SPON1: variants seen among roughly 807,000 people sequenced by gnomAD.
SPON1 encodes the protein spondin-1.
In SPON1, 52 loss-of-function variants were observed where a neutral mutation model predicts 111.7. The ratio of observed to expected loss-of-function variants is 0.47; its 90% confidence interval spans 0.37 to 0.59. The LOEUF (loss-of-function observed/expected upper bound fraction) is 0.59, where lower values mean the gene tolerates loss of function less well. SPON1 is among the 20% of genes least tolerant of loss of function. The pLI is 0.00. For synonymous variants in SPON1, 410 were observed against 395.8 expected, an observed-to-expected ratio of 1.04 and a Z score of -0.43; for missense variants, 957 against 1,068.5, an observed-to-expected ratio of 0.90 and a Z score of 1.46.
chr11:14,265,713 CACTCTAG>C lies in SPON1; in HGVS notation c.*28_*34del. Reference sequence around the variant, plus strand: ...CAAGGGTACGAGTTCCCCAGGGCTGCACTCTAGATTCCAGAGTCACCAATGGCTGGAT... The same window carrying C: ...CAAGGGTACGAGTTCCCCAGGGCTGCATTCCAGAGTCACCAATGGCTGGAT... On this transcript the variant is annotated 3_prime_UTR_variant, in exon 16 of 16. Transcript: ENST00000576479. 1 of 1,607,192 alleles carries C rather than the reference CACTCTAG, an allele frequency of 6.2e-7. No homozygotes were observed. The highest frequency in any genetic ancestry group is 8.5e-7 in the Non-Finnish European group (1 of 1,176,424).
chr11:14,038,432 G>T (rs556756439), intron 2 of SPON1, among the ~76,000 whole-genome samples: 1 of 152,164 alleles, frequency 6.6e-6, no homozygotes, highest in African/African-American at 2.4e-5. Context: ...TGGCACCACT[G>T]CACTCCAGCC....
intron 15 of SPON1, among the ~76,000 whole-genome samples, chr11:14,265,199 A>AT (rs1554942332): frequency 6.6e-6 from 1 of 152,098 alleles, no homozygotes; most frequent in African/African-American, 2.4e-5. Flanking sequence ...GCTTGCTTAC[A>AT]TGGTAGTAGA....
chr11:14,127,618 A>AT (rs34444355), intron 5 of SPON1, among the ~76,000 whole-genome samples: 2 of 152,144 alleles, frequency 1.3e-5, no homozygotes, highest in African/African-American at 4.8e-5. Flanking sequence ...CTGCCTCTGC[A>AT]TTTTTGGGTT....
At chr11:14,097,466 T>C (rs1361325571) in intron 5 of SPON1, among the ~76,000 whole-genome samples, 1 of 152,218 alleles carries the variant, frequency 6.6e-6, no homozygotes, top group African/African-American at 2.4e-5. Flanking sequence ...TTATTATGAA[T>C]GAGATTTCCA....
chr11:14,211,319 A>T (rs1170678309), intron 6 of SPON1, among the ~76,000 whole-genome samples: 1 of 152,186 alleles, frequency 6.6e-6, no homozygotes, highest in Middle Eastern at 3.2e-3. Flanking sequence ...AATCACAAGC[A>T]TTCCTGTACA....
At chr11:14,141,894 C>A (rs1208398231) in intron 6 of SPON1, among the ~76,000 whole-genome samples, 7 of 152,164 alleles carry the variant, frequency 4.6e-5, no homozygotes, top group African/African-American at 1.7e-4. Context: ...CACAAACACA[C>A]ACACACCCCA....
intron 6 of SPON1, among the ~76,000 whole-genome samples, chr11:14,218,135 T>C (rs1554937288): frequency 6.6e-6 from 1 of 152,236 alleles, no homozygotes; most frequent in South Asian, 2.1e-4. Flanking sequence ...GAAACAAATA[T>C]AGATATGTCC....
In SPON1 at chr11:13,963,088, A is replaced by G; in HGVS notation, c.184A>G (p.Ser62Gly). The change falls in exon 1 of 16, where the codon AGC becomes GGC. Residue 62 changes from serine to glycine, a missense_variant. Ser to Gly is a moderately conservative substitution (Grantham distance 56). Around this residue, in one of 5 missense-constraint regions of SPON1, gnomAD observed 262 missense variants for 253.9 expected, o/e 1.03. Transcript: ENST00000576479. ...GTRREGYTEF[S>G]LRVEGDPDFY... is the part of the protein sequence containing the mutation. ...GCGGCGCGAGGGCTACACCGAGTTCAGCCTCCGCGTGGAGGGCGACCCCGA... is the reference window on the plus strand; with the variant it reads ...GCGGCGCGAGGGCTACACCGAGTTCGGCCTCCGCGTGGAGGGCGACCCCGA... 6.4e-7 allele frequency: 1 copy of G among 1,557,984 alleles called. No individual in the cohort carries two copies. Among genetic ancestry groups the G allele is most frequent in the South Asian group, 1.2e-5 (1 of 83,588 alleles).
intron 6 of SPON1, among the ~76,000 whole-genome samples, chr11:14,222,920 A>T (rs1554937725): frequency 1.3e-5 from 2 of 152,234 alleles, no homozygotes; most frequent in Admixed American, 1.3e-4. Context: ...GCTCCAGCAC[A>T]TCACTGTCCC....
At chr11:14,170,387 G>C (rs1165375449) in intron 6 of SPON1, among the ~76,000 whole-genome samples, 4 of 152,208 alleles carry the variant, frequency 2.6e-5, no homozygotes, top group Non-Finnish European at 5.9e-5. Context: ...AGCTTCAGGA[G>C]ATTTTGGGCT....
At chr11:14,229,267 C>T (rs1554938407) in intron 6 of SPON1, among the ~76,000 whole-genome samples, 2 of 152,124 alleles carry the variant, frequency 1.3e-5, no homozygotes, top group African/African-American at 4.8e-5. Context: ...TACCTTTATA[C>T]GAGTGAACAA....
chr11:14,072,138 G>C (rs979957128), intron 3 of SPON1, among the ~76,000 whole-genome samples: 7 of 152,138 alleles, frequency 4.6e-5, no homozygotes, highest in Non-Finnish European at 1.0e-4. Context: ...TTTGGGTGAA[G>C]AATTTGAGGA....
intron 2 of SPON1, among the ~76,000 whole-genome samples, chr11:14,019,277 CTAA>C (rs1463483494): frequency 1.3e-5 from 2 of 151,824 alleles, no homozygotes; most frequent in African/African-American, 4.8e-5. Flanking sequence ...AGTTTTCTCA[CTAA>C]TAAGATGGGA....
chr11:14,165,349 C>T (rs782210348), intron 6 of SPON1, among the ~76,000 whole-genome samples: 19 of 152,124 alleles, frequency 1.2e-4, no homozygotes, highest in Admixed American at 5.9e-4. Flanking sequence ...AAAAGGCCGT[C>T]GATCACTCTG....
At chr11:14,214,587 C>G (rs1360187929) in intron 6 of SPON1, among the ~76,000 whole-genome samples, 4 of 152,182 alleles carry the variant, frequency 2.6e-5, no homozygotes, top group Non-Finnish European at 5.9e-5. Context: ...CCTGTCTGTT[C>G]CACACACCAA....
chr11:13,969,816 A>G (rs1848048735), intron 1 of SPON1, among the ~76,000 whole-genome samples: 1 of 152,256 alleles, frequency 6.6e-6, no homozygotes, highest in African/African-American at 2.4e-5. Context: ...ATTGGCATGT[A>G]TCAATAAGTC....
intron 5 of SPON1, among the ~76,000 whole-genome samples, chr11:14,101,351 G>A (rs1344924526): frequency 6.6e-6 from 1 of 152,074 alleles, no homozygotes; most frequent in Non-Finnish European, 1.5e-5. Flanking sequence ...AGTGAGCAGA[G>A]ATCATGCCAT....
intron 3 of SPON1, among the ~76,000 whole-genome samples, chr11:14,065,619 A>G (rs1188867668): frequency 1.3e-5 from 2 of 152,216 alleles, no homozygotes; most frequent in Admixed American, 6.5e-5. Context: ...AATCTTTAGG[A>G]AAAAAGTGTA....
intron 6 of SPON1, among the ~76,000 whole-genome samples, chr11:14,206,220 G>A (rs918308017): frequency 3.3e-5 from 5 of 152,070 alleles, no homozygotes; most frequent in African/African-American, 1.2e-4. Context: ...TTGAGACTGA[G>A]TCTTGCTCTG....
Sources: allele counts gnomAD v4.1 joint callset (sites outside exome capture counted in the v4.1 genomes callset), GRCh38; gene constraint gnomAD v4.1.1; regional missense constraint gnomAD v4.1.1; transcripts MANE v1.5; gene names NCBI Gene and HGNC (gene_info 2026-07-23, HGNC 2026-07-21).